Variants in PPTC7 observed in about 807,000 individuals in gnomAD.
PPTC7 encodes the protein protein phosphatase targeting COQ7, also known as protein phosphatase PTC7 homolog.
Under a neutral mutation model 30.8 loss-of-function variants are expected in PPTC7, and 6 were observed. The ratio of observed to expected loss-of-function variants is 0.19; its 90% CI spans 0.11 to 0.38. The LOEUF is 0.38. Among genes scored for constraint, PPTC7 ranks in the 10% least tolerant of loss-of-function variants. PPTC7 has a pLI of 1.00. For missense variants in PPTC7, 218 were observed against 404.8 expected (o/e 0.54, Z 3.96); for synonymous variants, 163 against 168.1 (o/e 0.97, Z 0.23).
intron 1 of PPTC7, among the ~76,000 whole-genome samples, chr12:110,574,207 AG>A (rs1023193989): frequency 2.7e-5 from 4 of 149,686 alleles, no homozygotes; most frequent in Non-Finnish European, 5.9e-5. Flanking sequence ...CAAGAGACCT[AG>A]GTTCAAGTCC....
intron 1 of PPTC7, among the ~76,000 whole-genome samples, chr12:110,565,801 G>A (rs1024986810): frequency 6.6e-6 from 1 of 152,134 alleles, no homozygotes; most frequent in African/African-American, 2.4e-5. Flanking sequence ...GGTTGGGGAG[G>A]ACAGTTTAGG....
chr12:110,548,585 T>C (rs557916493), intron 2 of PPTC7, among the ~76,000 whole-genome samples: 3 of 152,336 alleles, frequency 2.0e-5, no homozygotes, highest in African/African-American at 7.2e-5. Flanking sequence ...TTATCATTAA[T>C]AGATCACCAC....
At chr12:110,554,945 G>A (rs1267783079) in intron 1 of PPTC7, among the ~76,000 whole-genome samples, 1 of 152,066 alleles carries the variant, frequency 6.6e-6, no homozygotes, top group Non-Finnish European at 1.5e-5. Flanking sequence ...TTTATCATGA[G>A]CATGTATCAT....
rs200209897 is a variant in PPTC7, at chr12:110,558,144, TAA to T, written c.224-6178_224-6177del. 6.8e-3 allele frequency among the ~76,000 whole-genome samples: 1,043 copies of T among 152,322 alleles called. 1 individual carries two copies. The highest frequency in any genetic ancestry group is 9.4e-3 in the Non-Finnish European group (637 of 68,022). ...GTTGGCAAGGGTGTGTAAATGCCTT[TAA>T]AAGACATTTAATTCTGTCTTGGGTA... On this transcript the variant is annotated intron_variant, in intron 1 of 5. Transcript: ENST00000354300.
intron 1 of PPTC7, among the ~76,000 whole-genome samples, chr12:110,563,998 C>T (rs1212498184): frequency 6.6e-6 from 1 of 152,206 alleles, no homozygotes; most frequent in South Asian, 2.1e-4. Flanking sequence ...TGTTTAAATA[C>T]CAATACTTAA....
In PPTC7 at chr12:110,535,312, A is replaced by G. The variant is rs2064210901; in HGVS notation, c.*1725T>C. On this transcript the variant is annotated 3_prime_UTR_variant, in exon 6 of 6. Transcript: ENST00000354300. Reference sequence around the variant, plus strand: ...AAATAGATTATCTAACATTATGCCAATTTAGGAATAGTAGATAAATTACTG... The same window carrying G: ...AAATAGATTATCTAACATTATGCCAGTTTAGGAATAGTAGATAAATTACTG... The G allele has an allele frequency of 6.6e-6, 1 of 152,622 alleles. No individual in the cohort carries two copies. Among genetic ancestry groups the G allele is most frequent in the African/African-American group, 2.4e-5 (1 of 41,442 alleles). 9.5% of individuals were successfully genotyped at this position (152,622 alleles called of 1,614,324 possible). A position where few individuals can be genotyped will look rare whatever the true frequency, so the allele number is the denominator to read the frequency against.
intron 1 of PPTC7, among the ~76,000 whole-genome samples, chr12:110,580,818 C>T (rs1372947522): frequency 6.6e-6 from 1 of 152,050 alleles, no homozygotes; most frequent in Non-Finnish European, 1.5e-5. Context: ...GTGGCACGAT[C>T]TTGGCTCACT....
At chr12:110,576,887 G>T (rs937098077) in intron 1 of PPTC7, among the ~76,000 whole-genome samples, 2 of 152,166 alleles carry the variant, frequency 1.3e-5, no homozygotes, top group Non-Finnish European at 2.9e-5. Flanking sequence ...CACTCAAGGG[G>T]CTGGGCACGT....
chr12:110,548,944 A>T (rs1172935523), intron 2 of PPTC7, among the ~76,000 whole-genome samples: 1 of 152,190 alleles, frequency 6.6e-6, no homozygotes, highest in Non-Finnish European at 1.5e-5. Flanking sequence ...AGAAGAGCTA[A>T]TCATTCTCAC....
At chr12:110,582,048 C>T (rs148555784) in intron 1 of PPTC7, among the ~76,000 whole-genome samples, 68 of 152,284 alleles carry the variant, frequency 4.5e-4, no homozygotes, top group Middle Eastern at 3.4e-3. Flanking sequence ...TCTCCCACCC[C>T]CAAAAGGTAT....
At chr12:110,562,313 A>G (rs1188306239) in intron 1 of PPTC7, among the ~76,000 whole-genome samples, 1 of 151,120 alleles carries the variant, frequency 6.6e-6, no homozygotes, top group Non-Finnish European at 1.5e-5. Flanking sequence ...AAAAAAAAAA[A>G]AAATCCAAAA....
At chr12:110,549,070 T>C (rs1593148988) in intron 2 of PPTC7, among the ~76,000 whole-genome samples, 2 of 152,304 alleles carry the variant, frequency 1.3e-5, no homozygotes, top group East Asian at 1.9e-4. Flanking sequence ...GAGTCCCTCA[T>C]GCTCAAATGG....
intron 4 of PPTC7, among the ~76,000 whole-genome samples, chr12:110,538,677 T>C (rs1446060980): frequency 1.3e-5 from 2 of 152,208 alleles, no homozygotes; most frequent in Non-Finnish European, 2.9e-5. Context: ...ACCTTCAGAA[T>C]TTTATATCAG....
intron 1 of PPTC7, among the ~76,000 whole-genome samples, chr12:110,573,749 A>C (rs966099500): frequency 3.3e-5 from 5 of 152,032 alleles, no homozygotes; most frequent in Non-Finnish European, 7.4e-5. Flanking sequence ...TGGGAGGCCG[A>C]GGCGGGCAGA....
At chr12:110,579,842 G>A (rs140778133) in intron 1 of PPTC7, among the ~76,000 whole-genome samples, 3 of 152,106 alleles carry the variant, frequency 2.0e-5, no homozygotes, top group East Asian at 3.9e-4. Flanking sequence ...ATGAAACCCC[G>A]TTTGTACTAA....
chr12:110,553,534 G>A (rs909456167), intron 1 of PPTC7, among the ~76,000 whole-genome samples: 2 of 152,012 alleles, frequency 1.3e-5, no homozygotes, highest in African/African-American at 4.8e-5. Flanking sequence ...ATCCCAGCAC[G>A]TTGGGAGGCC....
chr12:110,552,589 G>T (rs988158813), intron 1 of PPTC7, among the ~76,000 whole-genome samples: 8 of 152,258 alleles, frequency 5.3e-5, no homozygotes, highest in Non-Finnish European at 1.2e-4. Flanking sequence ...AGTGGGCCGG[G>T]CGCGGTGGCT....
At chr12:110,552,268 AT>A (rs1263659758) in intron 1 of PPTC7, among the ~76,000 whole-genome samples, 2 of 152,216 alleles carry the variant, frequency 1.3e-5, no homozygotes, top group African/African-American at 4.8e-5. Flanking sequence ...GTATAGACAT[AT>A]TTGTGTCATT....
chr12:110,581,327 TCGCTTGAAC>T (rs1482992080), intron 1 of PPTC7, among the ~76,000 whole-genome samples: 1 of 151,746 alleles, frequency 6.6e-6, no homozygotes, highest in African/African-American at 2.4e-5. Flanking sequence ...AGCAGGAGAA[TCGCTTGAAC>T]CGGGGAGGCG....
Sources: gnomAD v4.1 joint callset for allele counts (sites outside exome capture counted in the v4.1 genomes callset) on GRCh38, gnomAD v4.1.1 for gene constraint, MANE v1.5 for transcripts, NCBI Gene and HGNC (gene_info 2026-07-23, HGNC 2026-07-21) for gene names.